The following ROBO2 variants were observed in gnomAD, a reference collection of about 807,000 sequenced individuals.
ROBO2 encodes roundabout guidance receptor 2.
ROBO2 carries 53 observed loss-of-function variants against 160.8 expected under a neutral mutation model. The ratio of observed to expected loss-of-function variants is 0.33; its 90% CI spans 0.26 to 0.41. ROBO2 has a LOEUF of 0.41. Among genes scored for constraint, ROBO2 ranks in the 10% least tolerant of loss-of-function variants. The pLI is 1.00. For synonymous variants in ROBO2, 664 were observed against 611.7 expected (o/e 1.09, Z -1.26); for missense variants, 1,577 against 1,722.4 (o/e 0.92, Z 1.49).
intron 2 of ROBO2, among the ~76,000 whole-genome samples, chr3:77,173,013 G>A (rs1470751443): frequency 2.0e-5 from 3 of 152,124 alleles, no homozygotes; most frequent in East Asian, 1.9e-4. Context: ...GTTTGCATTC[G>A]ATGAACTCTG....
At chr3:76,347,857 A>G (rs1450903626) in intron 2 of ROBO2, among the ~76,000 whole-genome samples, 1 of 152,132 alleles carries the variant, frequency 6.6e-6, no homozygotes, top group African/African-American at 2.4e-5. Flanking sequence ...CATACTATAT[A>G]TTAAGCAATC....
intron 5 of ROBO2, among the ~76,000 whole-genome samples, chr3:77,506,493 G>A (rs1253683849): frequency 6.6e-6 from 1 of 152,104 alleles, no homozygotes; most frequent in East Asian, 1.9e-4. Flanking sequence ...CTTTAGTGCA[G>A]TGATTCTCAC....
At chr3:77,617,958 A>T in intron 22 of ROBO2, 185 bp downstream of exon 23, 1 of 606,376 alleles carries the variant, frequency 1.6e-6, no homozygotes, top group Non-Finnish European at 2.9e-6. Context: ...CAAAACTAGA[A>T]CTAGAACTAG....
At chr3:76,302,913 A>C (rs1443815408) in intron 2 of ROBO2, among the ~76,000 whole-genome samples, 1 of 152,132 alleles carries the variant, frequency 6.6e-6, no homozygotes, top group African/African-American at 2.4e-5. Context: ...TAGACTATGT[A>C]GATTTTATGT....
At chr3:76,112,844 T>G (rs1410302473) in intron 2 of ROBO2, among the ~76,000 whole-genome samples, 1 of 152,126 alleles carries the variant, frequency 6.6e-6, no homozygotes, top group Non-Finnish European at 1.5e-5. Context: ...ATGGTTCTAT[T>G]TTTGATTTAG....
chr3:77,343,393 T>C (rs1422190077), intron 2 of ROBO2, among the ~76,000 whole-genome samples: 1 of 152,130 alleles, frequency 6.6e-6, no homozygotes, highest in Non-Finnish European at 1.5e-5. Flanking sequence ...TAAAAATGCG[T>C]TTCAAATATT....
chr3:77,315,386 T>A (rs1341676456), intron 2 of ROBO2, among the ~76,000 whole-genome samples: 1 of 152,342 alleles, frequency 6.6e-6, no homozygotes, highest in East Asian at 1.9e-4. Flanking sequence ...TGTGATGAAT[T>A]CCAACAAGTC....
chr3:76,435,915 T>A (rs11927408), intron 2 of ROBO2, among the ~76,000 whole-genome samples: 7 of 152,030 alleles, frequency 4.6e-5, no homozygotes, highest in African/African-American at 1.7e-4. Flanking sequence ...GAGGCAGGGG[T>A]TGCACTGGAC....
At chr3:77,016,521 A>G (rs1349985793) in intron 2 of ROBO2, among the ~76,000 whole-genome samples, 1 of 152,166 alleles carries the variant, frequency 6.6e-6, no homozygotes, top group Admixed American at 6.5e-5. Flanking sequence ...GGCAATAACA[A>G]TGTTAGTAGC....
intron 2 of ROBO2, among the ~76,000 whole-genome samples, chr3:76,887,178 CT>C (rs1440308730): frequency 6.9e-6 from 1 of 144,528 alleles, no homozygotes; most frequent in Non-Finnish European, 1.5e-5. Flanking sequence ...ATTGCCCTGC[CT>C]TTGCTTCAGG....
intron 2 of ROBO2, among the ~76,000 whole-genome samples, chr3:75,977,143 A>G (rs1028232688): frequency 1.3e-5 from 2 of 151,556 alleles, no homozygotes; most frequent in African/African-American, 4.8e-5. Context: ...GAAACATGCT[A>G]ATTAACAACA....
At chr3:76,040,660 A>G (rs760339626) in intron 2 of ROBO2, among the ~76,000 whole-genome samples, 18 of 152,064 alleles carry the variant, frequency 1.2e-4, no homozygotes, top group Non-Finnish European at 1.8e-4. Flanking sequence ...ATCTGTTTCA[A>G]GTACTCAACT....
rs1205927843 is a variant in ROBO2 at position 77,565,167 on chromosome 3, A to G, written c.1849+47A>G. On this transcript the variant is annotated intron_variant, in intron 12 of 25. Coordinates refer to ENST00000461745, the Ensembl canonical transcript of ROBO2. Reference sequence around the variant, plus strand: ...AAGACTGGTTCTAGGCAGAAACATCAGATATTTAAGAACGAGGGGCTTGAT... The same window carrying G: ...AAGACTGGTTCTAGGCAGAAACATCGGATATTTAAGAACGAGGGGCTTGAT... 1.9e-6 allele frequency: 3 copies of G among 1,598,826 alleles called. No individual in the cohort carries two copies. In the South Asian group the frequency reaches 3.3e-5, roughly 18 times the overall value.
chr3:76,681,233 C>T (rs2092554179), intron 2 of ROBO2, among the ~76,000 whole-genome samples: 1 of 152,012 alleles, frequency 6.6e-6, no homozygotes, highest in African/African-American at 2.4e-5. Context: ...AAAGAGAACC[C>T]AACACTATAA....
chr3:77,175,006 T>TAATA (rs2080000934), intron 2 of ROBO2, among the ~76,000 whole-genome samples: 1 of 152,076 alleles, frequency 6.6e-6, no homozygotes, highest in Non-Finnish European at 1.5e-5. Context: ...TGCTCACTTC[T>TAATA]AATACCTGAG....
intron 2 of ROBO2, among the ~76,000 whole-genome samples, chr3:77,000,144 C>A (rs575441646): frequency 2.0e-5 from 3 of 152,216 alleles, no homozygotes; most frequent in East Asian, 3.9e-4. Flanking sequence ...GCCAAAAATA[C>A]TCCCCAAGAC....
At chr3:76,310,116 C>T (rs978764826) in intron 2 of ROBO2, among the ~76,000 whole-genome samples, 3 of 152,104 alleles carry the variant, frequency 2.0e-5, no homozygotes, top group Non-Finnish European at 4.4e-5. Context: ...GCCACCACGT[C>T]AGACAATCCC....
At chr3:76,170,578 T>C (rs2073004930) in intron 2 of ROBO2, among the ~76,000 whole-genome samples, 1 of 152,204 alleles carries the variant, frequency 6.6e-6, no homozygotes, top group Non-Finnish European at 1.5e-5. Context: ...AGCACCTGTT[T>C]AGGCTCTCAA....
chr3:76,695,571 A>G (rs775130547), intron 2 of ROBO2, among the ~76,000 whole-genome samples: 81 of 152,338 alleles, frequency 5.3e-4, no homozygotes, highest in Admixed American at 1.2e-3. Flanking sequence ...TTGTATTATT[A>G]ATTCATATTA....
Sources: gnomAD v4.1 joint callset for allele counts (sites outside exome capture counted in the v4.1 genomes callset) on GRCh38, gnomAD v4.1.1 for gene constraint, MANE v1.5 for transcripts, NCBI Gene and HGNC (gene_info 2026-07-23, HGNC 2026-07-21) for gene names.